The following SAXO1 variants were observed in gnomAD, a reference collection of about 807,000 sequenced individuals.
SAXO1 encodes the protein stabilizer of axonemal microtubules 1, also known as 4930500O09Rik.
A neutral mutation model predicts 17.5 loss-of-function variants in SAXO1; 21 were observed. The ratio of observed to expected loss-of-function variants is 1.20; its 90% confidence interval spans 0.85 to 1.72. The LOEUF (loss-of-function observed/expected upper bound fraction) is 1.72, where lower values mean the gene tolerates loss of function less well. SAXO1 is among the 40% of genes most tolerant of loss of function. SAXO1 has a pLI of 0.00. For missense variants in SAXO1, 843 were observed against 596.0 expected (o/e 1.41, Z -4.32); for synonymous variants, 274 against 216.5 (o/e 1.27, Z -2.33).
At chr9:18,994,544 T>C (rs1427647435) in intron 1 of SAXO1, among the ~76,000 whole-genome samples, 1 of 152,206 alleles carries the variant, frequency 6.6e-6, no homozygotes, top group Non-Finnish European at 1.5e-5. Flanking sequence ...GGGCTGTTTC[T>C]GGGTGTCACC....
At chr9:18,978,146 A>G (rs1217393590) in intron 1 of SAXO1, among the ~76,000 whole-genome samples, 1 of 152,046 alleles carries the variant, frequency 6.6e-6, no homozygotes, top group Non-Finnish European at 1.5e-5. Context: ...GTACTCAACT[A>G]CCAGCTCTCC....
Position 18,928,551 on chromosome 9 carries a change from G to T in SAXO1, c.926C>A (p.Ala309Asp), listed in dbSNP as rs1406713013. 2.5e-6 allele frequency: 4 copies of T among 1,614,144 alleles called. No individual in the cohort carries two copies. The highest frequency in any genetic ancestry group is 3.4e-6 in the Non-Finnish European group (4 of 1,180,026). Residue 309 changes from alanine to aspartate, a missense_variant, in exon 4 of 4, where the codon GCC becomes GAC. Coordinates refer to ENST00000380534, the MANE Select transcript of SAXO1 (RefSeq NM_153707.4). ...DRMDLLTTVQ[A>D]HYTCPKGAPA... ...GGCACCCTTAGGGCATGTGTAATGG[G>T]CCTGCACTGTTGTCAGAAGATCCAT...
In SAXO1 at chr9:19,045,300, G is replaced by C. The variant is rs1478077716; in HGVS notation, c.-158+3909C>G. ...AGTCCGCAGTCCGGCCTGGGCGACA[G>C]AGCGAGACTCCGTCTCAAAAAAAAA... On this transcript the variant is annotated intron_variant, in intron 1 of 3. Coordinates refer to the SAXO1 transcript ENST00000542071. 5.0e-5 allele frequency among the ~76,000 whole-genome samples: 6 copies of C among 119,094 alleles called. No homozygotes were observed. The Admixed American group carries it at 7.5e-4, about 15-fold the overall frequency. The allele number at this position is 119,094 out of a possible 152,430, so 78.1% of individuals were successfully genotyped here.
chr9:19,024,212 C>T (rs979060308), intron 1 of SAXO1, among the ~76,000 whole-genome samples: 1 of 151,880 alleles, frequency 6.6e-6, no homozygotes, highest in African/African-American at 2.4e-5. Context: ...GACATGATGT[C>T]TTCCGTGTCT....
chr9:18,938,649 A>T (rs576751582), intron 3 of SAXO1, among the ~76,000 whole-genome samples: 1 of 152,250 alleles, frequency 6.6e-6, no homozygotes, highest in East Asian at 1.9e-4. Flanking sequence ...CAGAGACCCA[A>T]ACCCTGTCAG....
At chr9:19,044,527 G>A (rs1478623257) in intron 1 of SAXO1, among the ~76,000 whole-genome samples, 4 of 152,144 alleles carry the variant, frequency 2.6e-5, no homozygotes, top group East Asian at 3.9e-4. Context: ...TTTTGGAAGC[G>A]GGAATGCACA....
At chr9:18,951,608 G>A (rs770069191) in intron 1 of SAXO1, among the ~76,000 whole-genome samples, 11 of 152,122 alleles carry the variant, frequency 7.2e-5, no homozygotes, top group South Asian at 4.2e-4. Context: ...CCTCGCCGTC[G>A]TATCCCCTCT....
At chr9:19,029,760 C>A (rs1018741750) in intron 1 of SAXO1, among the ~76,000 whole-genome samples, 1 of 152,186 alleles carries the variant, frequency 6.6e-6, no homozygotes, top group Non-Finnish European at 1.5e-5. Context: ...AGCTGAGAAA[C>A]TGAATTTTTA....
At chr9:19,002,701 T>C (rs1385340245) in intron 1 of SAXO1, among the ~76,000 whole-genome samples, 1 of 152,176 alleles carries the variant, frequency 6.6e-6, no homozygotes, top group Non-Finnish European at 1.5e-5. Context: ...CACCCCTTCA[T>C]GCTAAAAACT....
chr9:19,025,973 G>A (rs1835454234), intron 1 of SAXO1, among the ~76,000 whole-genome samples: 1 of 151,974 alleles, frequency 6.6e-6, no homozygotes, highest in Non-Finnish European at 1.5e-5. Flanking sequence ...TGGGAGTTGG[G>A]GGAACTAATT....
intron 2 of SAXO1, among the ~76,000 whole-genome samples, chr9:18,944,982 C>A (rs1036231460): frequency 2.0e-5 from 3 of 152,182 alleles, no homozygotes; most frequent in African/African-American, 7.2e-5. Flanking sequence ...ACCTCTCTCA[C>A]CCCTGCCCTC....
At chr9:19,024,173 G>C (rs779376615) in intron 1 of SAXO1, among the ~76,000 whole-genome samples, 1 of 151,664 alleles carries the variant, frequency 6.6e-6, no homozygotes, top group Non-Finnish European at 1.5e-5. Context: ...CTTCCGGCAC[G>C]ATCTCCTGCA....
At chr9:19,016,201 C>T (rs377396928) in intron 1 of SAXO1, among the ~76,000 whole-genome samples, 2 of 152,036 alleles carry the variant, frequency 1.3e-5, no homozygotes, top group Non-Finnish European at 2.9e-5. Flanking sequence ...TTTGGGAGGC[C>T]GAGGCGGGTG....
chr9:19,013,971 T>G (rs147218321), intron 1 of SAXO1, among the ~76,000 whole-genome samples: 1 of 152,194 alleles, frequency 6.6e-6, no homozygotes, highest in Non-Finnish European at 1.5e-5. Flanking sequence ...CTGGTGAGTC[T>G]GAAATACAGG....
At chr9:18,970,051 G>C (rs919008377) in intron 1 of SAXO1, among the ~76,000 whole-genome samples, 7 of 152,180 alleles carry the variant, frequency 4.6e-5, no homozygotes, top group South Asian at 2.1e-4. Flanking sequence ...TTGGAGATGG[G>C]GGTTGTATGG....
At chr9:18,961,188 G>A (rs1832467926) in intron 1 of SAXO1, among the ~76,000 whole-genome samples, 4 of 150,418 alleles carry the variant, frequency 2.7e-5, no homozygotes, top group South Asian at 2.1e-4. Flanking sequence ...TTTTGGAGGT[G>A]GGGGTTCTCG....
At chr9:18,966,671 G>A (rs1832728838) in intron 1 of SAXO1, among the ~76,000 whole-genome samples, 1 of 152,116 alleles carries the variant, frequency 6.6e-6, no homozygotes, top group Non-Finnish European at 1.5e-5. Context: ...TAGCTTCCTT[G>A]CAATTGGGTA....
At chr9:18,999,491 G>A (rs941702832) in intron 1 of SAXO1, among the ~76,000 whole-genome samples, 1 of 150,562 alleles carries the variant, frequency 6.6e-6, no homozygotes, top group Non-Finnish European at 1.5e-5. Flanking sequence ...CTGCCCGGCC[G>A]CCCCACCATC....
intron 1 of SAXO1, chr9:19,026,861 T>C: frequency 1.5e-6 from 1 of 658,610 alleles, no homozygotes; most frequent in Non-Finnish European, 2.9e-6. Flanking sequence ...AAACCCCATC[T>C]CTACTAAAAA....
Sources: allele counts gnomAD v4.1 joint callset (sites outside exome capture counted in the v4.1 genomes callset), GRCh38; gene constraint gnomAD v4.1.1; transcripts MANE v1.5; gene names NCBI Gene and HGNC (gene_info 2026-07-23, HGNC 2026-07-21).